RNF213: variants seen among roughly 807,000 people sequenced by gnomAD.
The protein encoded by RNF213 is ring finger protein 213.
RNF213 carries 341 observed loss-of-function variants against 514.4 expected under a neutral mutation model. The observed-to-expected ratio is 0.66, with a 90% CI of 0.61 to 0.73. The LOEUF (loss-of-function observed/expected upper bound fraction) is 0.73. Among genes scored for constraint, RNF213 ranks in the 30% least tolerant of loss-of-function variants. The pLI is 0.00. For synonymous variants in RNF213, 2,655 were observed against 2,658.2 expected, an observed-to-expected ratio of 1.00 and a Z score of 0.04; for missense variants, 5,767 against 6,615.6, an observed-to-expected ratio of 0.87 and a Z score of 4.45.
rs549981997 is a variant in RNF213 at position 80,266,429 on chromosome 17, G to A, written c.97+2651G>A. On this transcript the variant is annotated intron_variant, in intron 2 of 67. Transcript: ENST00000582970. ...ACCCTGTCTTAGAAGAAAAGAAAAG[G>A]AAAAAAAAAGCCTTACAGTGGTCTC... is the stretch of plus-strand genomic sequence containing the variant. Among the ~76,000 whole-genome samples, 60 of 125,862 alleles carry A rather than the reference G, an allele frequency of 4.8e-4. 1 individual carries two copies. The highest frequency in any genetic ancestry group is 2.4e-3 in the African/African-American group (56 of 23,712). The allele number at this position is 125,862 out of a possible 152,430, so 82.6% of individuals were successfully genotyped here. A position where few individuals can be genotyped will look rare whatever the true frequency, so the allele number is the denominator to read the frequency against.
chr17:80,313,561 TGGTGATGGTGGTCATGGAGGTGGTGGA>T (rs1348470836), intron 15 of RNF213, among the ~76,000 whole-genome samples: 6 of 145,750 alleles, frequency 4.1e-5, no homozygotes, highest in South Asian at 2.2e-4. Flanking sequence ...GAGGTGATGG[TGGTGATGGTGGTCATGGAGGTGGTGGA>T]GGTGATGGTG....
Position 80,363,850 on chromosome 17 carries a change from C to G in RNF213, c.11750+60C>G, listed in dbSNP as rs374446674. ...TGGCGCGCGCTCACCAGGAGCCTGC[C>G]AAGTGCCAGGCATGTCCATGAGAAG... is the stretch of plus-strand genomic sequence containing the variant. On this transcript the variant is annotated intron_variant, in intron 41 of 67. Coordinates refer to ENST00000582970, the MANE Select transcript of RNF213 (RefSeq NM_001256071.3). 54 of 1,520,082 alleles carry G rather than the reference C, an allele frequency of 3.6e-5. No individual in the cohort carries two copies. In the East Asian group the frequency reaches 3.9e-4, roughly 11 times the overall value. 94.2% of individuals were successfully genotyped at this position (1,520,082 alleles called of 1,614,324 possible).
chr17:80,309,761 T>C (rs1009955489), intron 14 of RNF213, among the ~76,000 whole-genome samples: 6 of 151,860 alleles, frequency 4.0e-5, no homozygotes, highest in African/African-American at 1.5e-4. Flanking sequence ...TTGTTTTTTG[T>C]TTTTTGTTTT....
rs2078021432 is a variant in RNF213 at position 80,337,514 on chromosome 17, C to T, written c.4528-72C>T. On this transcript the variant is annotated intron_variant, in intron 23 of 67. Transcript: ENST00000582970. ...CTGCAGCGAGGCAGAGGCGGGAGGC[C>T]GACCACAGGAGGGAGAAGGGCAAGA... 16 of 1,509,094 alleles carry T rather than the reference C, an allele frequency of 1.1e-5. No individual in the cohort carries two copies. The East Asian group carries it at 1.5e-4, about 14-fold the overall frequency. 93.5% of individuals were successfully genotyped at this position (1,509,094 alleles called of 1,614,324 possible). A position where few individuals can be genotyped will look rare whatever the true frequency, so the allele number is the denominator to read the frequency against.
chr17:80,317,438 T>C lies in RNF213; in HGVS notation c.2901+161T>C, dbSNP rs1050964326. Among the ~76,000 whole-genome samples the C allele has an allele frequency of 6.6e-6, 1 of 152,160 alleles. No individual in the cohort carries two copies. The highest frequency in any genetic ancestry group is 2.4e-5 in the African/African-American group (1 of 41,430). ...TGTTTCTGATCCAGCCCTTATAGTC[T>C]GTCCCTAGAAGAGCGCTTCGGAGTC... On this transcript the variant is annotated intron_variant, in intron 16 of 67. Transcript: ENST00000582970. The surrounding 1 kb of genome is among the most constrained non-coding windows in gnomAD (Gnocchi z 4.1).
At chr17:80,389,603 CAT>C (rs917728502) in intron 65 of RNF213, among the ~76,000 whole-genome samples, 3 of 152,196 alleles carry the variant, frequency 2.0e-5, no homozygotes, top group African/African-American at 7.2e-5. Flanking sequence ...TGACTGAGTA[CAT>C]GAGGCCCCTG....
Position 80,345,760 on chromosome 17 carries a change from G to A in RNF213, c.7425G>A (p.Lys2475=). ...CTGAAAATGTGGCCTTCGCCAATAA[G>A]GACCAACATCAGTTGGACACCATCT... ...REAENVAFAN[K]DQHQLDTILF... is the part of the protein sequence containing the mutation. The change falls in exon 29 of 68, where the codon AAG becomes AAA. Residue 2475 remains lysine, a synonymous_variant. Transcript: ENST00000582970. The surrounding 1 kb of genome is among the most constrained non-coding windows in gnomAD (Gnocchi z 6.0). The A allele has an allele frequency of 6.2e-7, 1 of 1,614,210 alleles. No homozygotes were observed. Among genetic ancestry groups the A allele is most frequent in the Non-Finnish European group, 8.5e-7 (1 of 1,180,040 alleles).
intron 3 of RNF213, among the ~76,000 whole-genome samples, chr17:80,284,613 A>G (rs758450439): frequency 2.6e-5 from 4 of 151,872 alleles, no homozygotes; most frequent in Middle Eastern, 3.4e-3. Flanking sequence ...TTCTAATCCC[A>G]TTGAGGAAGT....
At chr17:80,387,324 T>C (rs935848445) in intron 63 of RNF213, among the ~76,000 whole-genome samples, 1 of 152,218 alleles carries the variant, frequency 6.6e-6, no homozygotes, top group Non-Finnish European at 1.5e-5. Context: ...CCGGCTGGTC[T>C]CGAACTCTTG....
chr17:80,385,475 G>C lies in RNF213; in HGVS notation c.14456-63G>C. The C allele has an allele frequency of 5.8e-6, 8 of 1,380,310 alleles. No individual in the cohort carries two copies. In the South Asian group the frequency reaches 9.4e-5, roughly 16 times the overall value. The allele number at this position is 1,380,310 out of a possible 1,614,324, so 85.5% of individuals were successfully genotyped here. A position where few individuals can be genotyped will look rare whatever the true frequency, so the allele number is the denominator to read the frequency against. On this transcript the variant is annotated intron_variant, in intron 60 of 67. Coordinates refer to ENST00000582970, the MANE Select transcript of RNF213 (RefSeq NM_001256071.3). Reference sequence around the variant, plus strand: ...GGCTCTCGGCAGAGCATGTAACTAGGGTGGTTTGGCCCTTTCAGGGGGTTG... The same window carrying C: ...GGCTCTCGGCAGAGCATGTAACTAGCGTGGTTTGGCCCTTTCAGGGGGTTG...
chr17:80,354,714 A>G, intron 36 of RNF213, 138 bp downstream of exon 36: 1 of 1,143,018 alleles, frequency 8.7e-7, no homozygotes, highest in Non-Finnish European at 1.3e-6. Context: ...CAAAGCTGTA[A>G]AGTTTTTCCC....
rs565230620 is a variant in RNF213 at position 80,263,542 on chromosome 17, C to G, written c.-108-32C>G. ...TGTTGGGTTTCCATTAACCAGGGGA[C>G]CAGCTGGGCTGCTGTGATTTCACTT... is the stretch of plus-strand genomic sequence containing the variant. On this transcript the variant is annotated intron_variant, in intron 1 of 67. Coordinates refer to ENST00000582970, the MANE Select transcript of RNF213 (RefSeq NM_001256071.3). The surrounding 1 kb of genome is among the most constrained non-coding windows in gnomAD (Gnocchi z 4.9). 5.3e-6 allele frequency: 4 copies of G among 748,278 alleles called. No homozygotes were observed. The South Asian group carries it at 5.9e-5, about 11-fold the overall frequency. 46.4% of individuals were successfully genotyped at this position (748,278 alleles called of 1,614,324 possible). A position where few individuals can be genotyped will look rare whatever the true frequency, so the allele number is the denominator to read the frequency against.
chr17:80,383,109 C>T (rs1319479728), intron 58 of RNF213, 39 bp downstream of exon 58: 1 of 1,463,040 alleles, frequency 6.8e-7, no homozygotes, highest in Non-Finnish European at 9.6e-7. Flanking sequence ...GCTCCTCGGT[C>T]CAGAAAGGAA....
At chr17:80,292,685 C>G (rs1442385942) in intron 8 of RNF213, among the ~76,000 whole-genome samples, 10 of 151,204 alleles carry the variant, frequency 6.6e-5, no homozygotes, top group African/African-American at 2.4e-4. Flanking sequence ...GGTCCCCCAC[C>G]TGGGTTCTCT....
intron 67 of RNF213, among the ~76,000 whole-genome samples, chr17:80,390,523 A>G (rs1281501250): frequency 6.6e-6 from 1 of 152,044 alleles, no homozygotes; most frequent in African/African-American, 2.4e-5. Context: ...CAGCTTCCCA[A>G]ATAGCTGGGA....
chr17:80,305,959 T>G (rs558496200), intron 11 of RNF213, among the ~76,000 whole-genome samples: 2 of 152,154 alleles, frequency 1.3e-5, no homozygotes, highest in East Asian at 3.9e-4. Flanking sequence ...ACTTTTCATT[T>G]GATTCACTGC....
chr17:80,302,068 G>A (rs1378121529), intron 11 of RNF213, among the ~76,000 whole-genome samples: 2 of 152,214 alleles, frequency 1.3e-5, no homozygotes, highest in Non-Finnish European at 2.9e-5. Flanking sequence ...CTCATACGTG[G>A]ATGTGAAAAG....
In RNF213 at chr17:80,347,644, C is replaced by T. The variant is rs933754215; in HGVS notation, c.9309C>T (p.Leu3103=). The change falls in exon 29 of 68, where the codon CTC becomes CTT. Residue 3103 remains leucine, a synonymous_variant. Coordinates refer to ENST00000582970, the MANE Select transcript of RNF213 (RefSeq NM_001256071.3). This position sits in a 1 kb window ranked among gnomAD's most constrained non-coding sequence, Gnocchi z 7.2. ...CMETGKMVLL[L]NLQNLYESLY... is the part of the protein sequence containing the mutation. ...AAACAGGCAAGATGGTGTTGCTTCT[C>T]AACCTGCAGAACCTCTACGAGAGCC... 4 of 1,614,078 alleles carry T rather than the reference C, an allele frequency of 2.5e-6. No homozygotes were observed. The African/African-American group carries it at 5.3e-5, about 22-fold the overall frequency.
At position 80,360,109 on chromosome 17, in the gene RNF213, T is replaced by C. The variant is rs778974748; in HGVS notation, c.11103T>C (p.Leu3701=). The C allele has an allele frequency of 1.2e-6, 2 of 1,614,124 alleles. No individual in the cohort carries two copies. Among genetic ancestry groups the C allele is most frequent in the Non-Finnish European group, 1.7e-6 (2 of 1,180,024 alleles). Residue 3701 remains leucine, a synonymous_variant, in exon 38 of 68, where the codon CTT becomes CTC. Transcript: ENST00000582970. ...AYIVVQNHMN[L]SENASNNVPF... is the part of the protein sequence containing the mutation. ...TCGTGGTGCAGAACCACATGAACCT[T>C]TCCGAGAACGCTTCCAACAACGTCC... is the stretch of plus-strand genomic sequence containing the variant.
Sources: allele counts gnomAD v4.1 joint callset (sites outside exome capture counted in the v4.1 genomes callset), GRCh38; gene constraint gnomAD v4.1.1; non-coding constraint Gnocchi (gnomAD v3.1); transcripts MANE v1.5; gene names NCBI Gene and HGNC (gene_info 2026-07-23, HGNC 2026-07-21).